The following CAGE1 variants were observed in gnomAD, a reference collection of about 807,000 sequenced individuals.
The protein encoded by CAGE1 is cancer-associated gene 1 protein.
In CAGE1, 66 loss-of-function variants were observed where a neutral mutation model predicts 94.9. The observed-to-expected ratio is 0.70, with a 90% CI of 0.57 to 0.85. The LOEUF (loss-of-function observed/expected upper bound fraction) is 0.85, where lower values mean the gene tolerates loss of function less well. Ranked by LOEUF, CAGE1 falls within the 40% of genes least tolerant of loss-of-function variation. The pLI, the probability that CAGE1 is intolerant of heterozygous loss-of-function variation, is 0.00. For missense variants in CAGE1, 865 were observed against 950.4 expected (o/e 0.91, Z 1.18); for synonymous variants, 319 against 321.0 (o/e 0.99, Z 0.07).
chr6:7,345,665 T>A (rs1246875405), intron 11 of CAGE1, among the ~76,000 whole-genome samples: 1 of 152,164 alleles, frequency 6.6e-6, no homozygotes, highest in Non-Finnish European at 1.5e-5. Context: ...CAGTGGCTCA[T>A]GCTTGTAATC....
chr6:7,366,619 C>T (rs754413581), intron 7 of CAGE1, among the ~76,000 whole-genome samples: 2 of 152,184 alleles, frequency 1.3e-5, no homozygotes, highest in Non-Finnish European at 2.9e-5. Context: ...GATGACACTT[C>T]CACACCTGTG....
At chr6:7,354,523 C>G (rs996534385) in intron 11 of CAGE1, among the ~76,000 whole-genome samples, 2 of 152,052 alleles carry the variant, frequency 1.3e-5, no homozygotes, top group African/African-American at 4.8e-5. Flanking sequence ...ATAGCCAGCA[C>G]AGCATATATG....
chr6:7,373,187 A>G lies in CAGE1; in HGVS notation c.1632T>C (p.Asn544=), dbSNP rs1760608456. ...QQQINEVKNE[N]AKLKQQVARS... ...TTGCAACCTGCTGTTTAAGTTTTGCATTCTCATTTTTTACTTCGTTGATTT... is the reference window on the plus strand; with the variant it reads ...TTGCAACCTGCTGTTTAAGTTTTGCGTTCTCATTTTTTACTTCGTTGATTT... Residue 544 remains asparagine (N), a synonymous_variant, in exon 5 of 14, where the codon AAT becomes AAC. Coordinates refer to ENST00000502583, the MANE Select transcript of CAGE1 (RefSeq NM_001170692.2). 2 of 1,613,694 alleles carry G rather than the reference A, an allele frequency of 1.2e-6. No individual in the cohort carries two copies. Among genetic ancestry groups the G allele is most frequent in the South Asian group, 1.1e-5 (1 of 91,054 alleles).
At chr6:7,385,361 G>C (rs1038041816) in intron 3 of CAGE1, among the ~76,000 whole-genome samples, 1 of 151,334 alleles carries the variant, frequency 6.6e-6, no homozygotes, top group South Asian at 2.1e-4. Flanking sequence ...GGAGTGCAGT[G>C]ACATGATCAT....
intron 11 of CAGE1, among the ~76,000 whole-genome samples, chr6:7,335,155 C>G (rs553726702): frequency 6.6e-6 from 1 of 152,328 alleles, no homozygotes; most frequent in East Asian, 1.9e-4. Context: ...TCAAATCTCT[C>G]TCTGCCTCCC....
In CAGE1 at chr6:7,339,272, A is replaced by C; in HGVS notation, c.2370-5182T>G. ...TGTAAGGCAGAGACTCTGCCTGGGC[A>C]ATGGCACACAGACCCCTAGTGGCCA... On this transcript the variant is annotated intron_variant, in intron 11 of 13. Coordinates refer to ENST00000502583, the MANE Select transcript of CAGE1 (RefSeq NM_001170692.2). The surrounding 1 kb of genome is among the most constrained non-coding windows in gnomAD (Gnocchi z 4.7). 2 of 1,586,912 alleles carry C rather than the reference A, an allele frequency of 1.3e-6. No individual in the cohort carries two copies. Among genetic ancestry groups the C allele is most frequent in the Non-Finnish European group, 1.7e-6 (2 of 1,156,298 alleles).
At chr6:7,346,731 T>TC (rs1282337217) in intron 11 of CAGE1, among the ~76,000 whole-genome samples, 29 of 146,112 alleles carry the variant, frequency 2.0e-4, no homozygotes, top group African/African-American at 6.8e-4. Context: ...ACACCTGTGG[T>TC]CCCAGCTGCT....
intron 11 of CAGE1, among the ~76,000 whole-genome samples, chr6:7,348,471 C>G (rs1010447025): frequency 1.3e-5 from 2 of 152,306 alleles, no homozygotes; most frequent in African/African-American, 4.8e-5. Context: ...TGAAAAGGAA[C>G]CAGAAAACCA....
intron 11 of CAGE1, among the ~76,000 whole-genome samples, chr6:7,338,019 T>C (rs574931615): frequency 1.8e-4 from 27 of 152,348 alleles, no homozygotes; most frequent in African/African-American, 6.3e-4. Context: ...ATTTTTAGTA[T>C]ATGAGTCTTT....
chr6:7,333,642 C>CTATCTATATATATA (rs1393663829), intron 12 of CAGE1, among the ~76,000 whole-genome samples: 2 of 121,502 alleles, frequency 1.6e-5, no homozygotes, highest in Non-Finnish European at 3.4e-5. Context: ...ATCTAACTAT[C>CTATCTATATATATA]TATATATATA....
chr6:7,345,287 G>A (rs558678215), intron 11 of CAGE1, among the ~76,000 whole-genome samples: 6 of 152,164 alleles, frequency 3.9e-5, no homozygotes, highest in Non-Finnish European at 8.8e-5. Context: ...AGCACTGACT[G>A]TTAAAGGTTT....
chr6:7,374,957 G>A (rs985812422), intron 4 of CAGE1, among the ~76,000 whole-genome samples: 6 of 152,078 alleles, frequency 3.9e-5, no homozygotes, highest in African/African-American at 4.8e-5. Flanking sequence ...TCACTTGAAC[G>A]CAGGAGGTGG....
intron 1 of CAGE1, among the ~76,000 whole-genome samples, chr6:7,387,758 G>A (rs761532961): frequency 1.3e-5 from 2 of 151,234 alleles, no homozygotes; most frequent in Non-Finnish European, 2.9e-5. Flanking sequence ...GGTGGCTCAC[G>A]CCTGTAATCC....
intron 11 of CAGE1, among the ~76,000 whole-genome samples, chr6:7,343,984 G>C (rs750051470): frequency 1.3e-5 from 2 of 152,228 alleles, no homozygotes; most frequent in Non-Finnish European, 2.9e-5. Flanking sequence ...GTTTGGAGCA[G>C]GAACTTCTAC....
chr6:7,367,035 A>AT (rs1449553747), intron 7 of CAGE1, among the ~76,000 whole-genome samples: 1 of 152,122 alleles, frequency 6.6e-6, no homozygotes, highest in African/African-American at 2.4e-5. Context: ...TTTATTCTTT[A>AT]TTGCAAACAT....
intron 3 of CAGE1, among the ~76,000 whole-genome samples, chr6:7,383,079 G>C (rs994172852): frequency 4.6e-5 from 6 of 129,120 alleles, no homozygotes; most frequent in Non-Finnish European, 1.0e-4. Flanking sequence ...TGCTGTTCTT[G>C]CGATAGTTGA....
At position 7,378,936 on chromosome 6, in the gene CAGE1, G is replaced by A; in HGVS notation, c.368C>T (p.Thr123Ile). 1 of 1,594,504 alleles carries A rather than the reference G, an allele frequency of 6.3e-7. No homozygotes were observed. The highest frequency in any genetic ancestry group is 8.6e-7 in the Non-Finnish European group (1 of 1,169,256). The change falls in exon 4 of 14, where the codon ACC (threonine) becomes ATC (isoleucine). Residue 123 changes from threonine (T) to isoleucine (I), a missense_variant. Transcript: ENST00000502583. ...TTCTACCCAGTGAAATTTGCAAACGGTTTCAAATTGTCTCAAGGAAGATAT... is the reference window on the plus strand; with the variant it reads ...TTCTACCCAGTGAAATTTGCAAACGATTTCAAATTGTCTCAAGGAAGATAT... ...ISISSLRQFE[T>I]VCKFHWVEAF... is the part of the protein sequence containing the mutation.
intron 5 of CAGE1, among the ~76,000 whole-genome samples, chr6:7,371,634 A>C (rs958641125): frequency 6.6e-6 from 1 of 152,068 alleles, no homozygotes; most frequent in Non-Finnish European, 1.5e-5. Context: ...AATACAAAAA[A>C]ATTAGCTGGG....
intron 9 of CAGE1, 81 bp from the exon 10 acceptor site, chr6:7,356,210 A>G: frequency 1.4e-6 from 1 of 732,396 alleles, no homozygotes; most frequent in Non-Finnish European, 2.3e-6. Flanking sequence ...AAATGAGAAA[A>G]CTGAGCAATA....
Sources: gnomAD v4.1 joint callset for allele counts (sites outside exome capture counted in the v4.1 genomes callset) on GRCh38, gnomAD v4.1.1 for gene constraint, Gnocchi (gnomAD v3.1) non-coding constraint, MANE v1.5 for transcripts, NCBI Gene and HGNC (gene_info 2026-07-23, HGNC 2026-07-21) for gene names.